The following HERC2 variants were observed in gnomAD, a reference collection of about 807,000 sequenced individuals.
HERC2 encodes the protein HECT and RLD domain containing E3 ubiquitin protein ligase 2.
In HERC2, 102 loss-of-function variants were observed where a neutral mutation model predicts 537.7. The ratio of observed to expected loss-of-function variants is 0.19; its 90% CI spans 0.16 to 0.22. HERC2 has a LOEUF of 0.22. Ranked by LOEUF, HERC2 falls within the 10% of genes least tolerant of loss-of-function variation. HERC2 has a pLI of 1.00. For synonymous variants in HERC2, 2,224 were observed against 2,466.2 expected (o/e 0.90, Z 2.91); for missense variants, 4,236 against 6,198.2 (o/e 0.68, Z 10.63).
chr15:28,307,196 C>G (rs1396235854), intron 2 of HERC2, among the ~76,000 whole-genome samples: 2 of 152,202 alleles, frequency 1.3e-5, no homozygotes, highest in East Asian at 3.8e-4. Flanking sequence ...TTCATAGTCT[C>G]TAATGACCCT....
chr15:28,113,994 C>T lies in HERC2; in HGVS notation c.13914-316G>A, dbSNP rs1887946354. ...CCAAGAGGGGAAACACATGTGCATC[C>T]GCCCCAGGCCCGAGACACTGTGCTG... On this transcript the variant is annotated intron_variant, in intron 90 of 92. Transcript: ENST00000261609. This position sits in a 1 kb window ranked among gnomAD's most constrained non-coding sequence, Gnocchi z 7.0. Among the ~76,000 whole-genome samples, 2 of 152,186 alleles carry T rather than the reference C, an allele frequency of 1.3e-5. No homozygotes were observed. The highest frequency in any genetic ancestry group is 2.1e-4 in the South Asian group (1 of 4,824).
At chr15:28,286,946 G>A (rs1347031598) in intron 4 of HERC2, among the ~76,000 whole-genome samples, 1 of 152,170 alleles carries the variant, frequency 6.6e-6, no homozygotes, top group Admixed American at 6.5e-5. Context: ...AAATGTGAGG[G>A]ACTGATGGAT....
At position 28,246,098 on chromosome 15, in the gene HERC2, G is replaced by C. The variant is rs755279489; in HGVS notation, c.3392-32C>G. 8.2e-5 allele frequency: 113 copies of C among 1,377,960 alleles called. No individual in the cohort carries two copies. The East Asian group carries it at 2.4e-3, about 29-fold the overall frequency. 85.4% of individuals were successfully genotyped at this position (1,377,960 alleles called of 1,614,324 possible). On this transcript the variant is annotated intron_variant, in intron 22 of 92. Transcript: ENST00000261609. ...TTAAGAAATAATAAGATTTAAATAAGTATTTATCCTATAAAAGCTATTTGT... is the reference window on the plus strand; with the variant it reads ...TTAAGAAATAATAAGATTTAAATAACTATTTATCCTATAAAAGCTATTTGT...
rs1897536424 is a variant in HERC2 at position 28,198,229 on chromosome 15, T to C, written c.8011+149A>G. 4.7e-6 allele frequency: 4 copies of C among 856,202 alleles called. No individual in the cohort carries two copies. In the South Asian group the frequency reaches 6.9e-5, roughly 15 times the overall value. The allele number at this position is 856,202 out of a possible 1,614,324, so 53.0% of individuals were successfully genotyped here. ...CTGCAGGTGAGTTCCTCTGTGGCCT[T>C]TGGCAGAAGGCACTGACAAGCAAAG... is the stretch of plus-strand genomic sequence containing the variant. On this transcript the variant is annotated intron_variant, in intron 50 of 92. Coordinates refer to ENST00000261609, the MANE Select transcript of HERC2 (RefSeq NM_004667.6).
At chr15:28,313,536 A>T (rs1160462139) in intron 2 of HERC2, among the ~76,000 whole-genome samples, 1 of 152,176 alleles carries the variant, frequency 6.6e-6, no homozygotes, top group African/African-American at 2.4e-5. Context: ...ACTGAATAAT[A>T]TAACAAATGA....
In HERC2 at chr15:28,265,804, A is replaced by C. The variant is rs1245566214; in HGVS notation, c.1756+13T>G. ...TCCTGCTGCATGCTCCCACTCATGC[A>C]GAGCAGACGTACCATGGCCCAGCCG... On this transcript the variant is annotated intron_variant, in intron 13 of 92. Transcript: ENST00000261609. The surrounding 1 kb of genome is among the most constrained non-coding windows in gnomAD (Gnocchi z 4.0). The C allele has an allele frequency of 1.9e-6, 3 of 1,614,076 alleles. No homozygotes were observed. Among genetic ancestry groups the C allele is most frequent in the Non-Finnish European group, 2.5e-6 (3 of 1,180,036 alleles).
intron 68 of HERC2, 109 bp downstream of exon 68, chr15:28,167,578 G>T: frequency 7.5e-7 from 1 of 1,336,724 alleles, no homozygotes; most frequent in Non-Finnish European, 1.1e-6. Context: ...GGACAGCCGA[G>T]GTGAATGGGA....
intron 3 of HERC2, among the ~76,000 whole-genome samples, chr15:28,297,579 G>C (rs2076503395): frequency 6.6e-6 from 1 of 151,616 alleles, no homozygotes; most frequent in Non-Finnish European, 1.5e-5. Context: ...AAAATCAAAA[G>C]CACTAAACAG....
chr15:28,208,240 T>C (rs1420764597), intron 44 of HERC2, among the ~76,000 whole-genome samples: 1 of 152,204 alleles, frequency 6.6e-6, no homozygotes, highest in Non-Finnish European at 1.5e-5. Flanking sequence ...ATACTCCACA[T>C]TCTACTGGAC....
rs552525644 is a variant in HERC2 at position 28,303,213 on chromosome 15, T to A, written c.73-3697A>T. 3.3e-5 allele frequency among the ~76,000 whole-genome samples: 5 copies of A among 152,370 alleles called. No homozygotes were observed. The South Asian group carries it at 1.0e-3, about 32-fold the overall frequency. ...GAGAGATAGCGGTCTAGTTTCATTT[T>A]TCTGCATATGGGTGTCCCATTTTCC... On this transcript the variant is annotated intron_variant, in intron 2 of 92. Coordinates refer to ENST00000261609, the MANE Select transcript of HERC2 (RefSeq NM_004667.6).
chr15:28,295,308 TGGGGGGGGGGGAGTGGG>T (rs2076434168), intron 3 of HERC2, among the ~76,000 whole-genome samples: 1 of 79,622 alleles, frequency 1.3e-5, no homozygotes, highest in Non-Finnish European at 2.4e-5. Flanking sequence ...TACATGTGTG[TGGGGGGGGGGGAGTGGG>T]GGGGAGGCGG....
At chr15:28,217,360 C>T (rs2905936) in intron 38 of HERC2, among the ~76,000 whole-genome samples, 6 of 150,180 alleles carry the variant, frequency 4.0e-5, no homozygotes, top group Non-Finnish European at 8.8e-5. Context: ...CACATGCTAC[C>T]AACACACCAT....
At chr15:28,205,107 G>T (rs1306381778) in intron 45 of HERC2, among the ~76,000 whole-genome samples, 1 of 151,994 alleles carries the variant, frequency 6.6e-6, no homozygotes, top group Non-Finnish European at 1.5e-5. Flanking sequence ...TAGAAAATAC[G>T]AAAAGCAACC....
intron 78 of HERC2, among the ~76,000 whole-genome samples, chr15:28,137,882 G>A (rs7167160): frequency 0.076 from 11,561 of 152,280 alleles, 1,514 homozygotes; most frequent in African/African-American, 0.27. Context: ...TAGGCCTCTT[G>A]CACCAGTTAC....
intron 2 of HERC2, among the ~76,000 whole-genome samples, chr15:28,311,869 C>A (rs1596464609): frequency 1.3e-5 from 2 of 151,892 alleles, no homozygotes; most frequent in South Asian, 2.1e-4. Flanking sequence ...TACAGAGGTA[C>A]CATTTTTAAA....
intron 38 of HERC2, among the ~76,000 whole-genome samples, chr15:28,217,182 T>G (rs1021630742): frequency 1.3e-5 from 2 of 152,182 alleles, no homozygotes; most frequent in African/African-American, 4.8e-5. Context: ...ACACTTACAC[T>G]GGGTGTCTCA....
At chr15:28,261,529 A>G (rs1203600083) in intron 15 of HERC2, among the ~76,000 whole-genome samples, 1 of 152,232 alleles carries the variant, frequency 6.6e-6, no homozygotes, top group Non-Finnish European at 1.5e-5. Context: ...ACCACACTGC[A>G]GTAAGGGGAA....
In HERC2 at chr15:28,265,719, T is replaced by C; in HGVS notation, c.1769A>G (p.Asp590Gly). 3.1e-6 allele frequency: 5 copies of C among 1,614,106 alleles called. No individual in the cohort carries two copies. The highest frequency in any genetic ancestry group is 4.2e-6 in the Non-Finnish European group (5 of 1,180,014). ...GGCTACCAGCATCGGAATGGCCTCG[T>C]CCTCACTGGAGCCTTCAAACAGATA... ...YGRLGHGSSE[D>G]EAIPMLVAGL... is the part of the protein sequence containing the mutation. The change falls in exon 14 of 93, where the codon GAC becomes GGC. Residue 590 changes from aspartate (D) to glycine (G), a missense_variant. Asp to Gly is a moderately conservative substitution (Grantham distance 94). Coordinates refer to ENST00000261609, the MANE Select transcript of HERC2 (RefSeq NM_004667.6). The surrounding 1 kb of genome is among the most constrained non-coding windows in gnomAD (Gnocchi z 4.0).
At position 28,268,757 on chromosome 15, in the gene HERC2, G is replaced by A. The variant is rs907617310; in HGVS notation, c.1447-141C>T. 18 of 707,282 alleles carry A rather than the reference G, an allele frequency of 2.5e-5. No individual in the cohort carries two copies. The highest frequency in any genetic ancestry group is 3.3e-5 in the Non-Finnish European group (14 of 425,398). The allele number at this position is 707,282 out of a possible 1,614,324, so 43.8% of individuals were successfully genotyped here. ...ATAAGTCTCTGGGAACTACGGGGCC[G>A]GCTCTCCAGCCCTTCCCACCCAGCA... On this transcript the variant is annotated intron_variant, in intron 11 of 92. Coordinates refer to ENST00000261609, the MANE Select transcript of HERC2 (RefSeq NM_004667.6). This position sits in a 1 kb window ranked among gnomAD's most constrained non-coding sequence, Gnocchi z 4.7.
Sources: allele counts gnomAD v4.1 joint callset (sites outside exome capture counted in the v4.1 genomes callset), GRCh38; gene constraint gnomAD v4.1.1; non-coding constraint Gnocchi (gnomAD v3.1); transcripts MANE v1.5; gene names NCBI Gene and HGNC (gene_info 2026-07-23, HGNC 2026-07-21).